The following PMS2 variants were observed in gnomAD, a reference collection of about 807,000 sequenced individuals.
The protein encoded by PMS2 is PMS1 homolog 2, mismatch repair system component.
In PMS2, 69 loss-of-function variants were observed where a neutral mutation model predicts 90.0. The ratio of observed to expected loss-of-function variants is 0.77; its 90% confidence interval spans 0.63 to 0.94. The LOEUF (loss-of-function observed/expected upper bound fraction) is 0.94, where lower values mean the gene tolerates loss of function less well. PMS2 is among the 40% of genes least tolerant of loss of function. PMS2 has a pLI of 0.00. For synonymous variants in PMS2, 332 were observed against 375.1 expected (o/e 0.89, Z 1.33); for missense variants, 966 against 1,040.2 (o/e 0.93, Z 0.98).
In PMS2 at chr7:5,972,824, GTT is replaced by G. The variant is rs374762935; in HGVS notation, c.*573_*574del. Among the ~76,000 whole-genome samples, 23 of 68,674 alleles carry G rather than the reference GTT, an allele frequency of 3.3e-4. 2 individuals are homozygous for G. In the South Asian group the frequency reaches 3.5e-3, roughly 10 times the overall value. 45.1% of individuals were successfully genotyped at this position (68,674 alleles called of 152,430 possible). On this transcript the variant is annotated 3_prime_UTR_variant, in exon 15 of 15. Coordinates refer to ENST00000265849, the MANE Select transcript of PMS2 (RefSeq NM_000535.7). ...CCTGAGTAACTTCCAAAGTGGTTTG[GTT>G]TTTTTTTTTTTGTTTTGTTTTGTTT... is the stretch of plus-strand genomic sequence containing the variant.
At chr7:5,982,146 G>A (rs2128698352) in intron 12 of PMS2, among the ~76,000 whole-genome samples, 1 of 151,622 alleles carries the variant, frequency 6.6e-6, no homozygotes, top group Admixed American at 6.6e-5. Context: ...CTCCTGAGTA[G>A]CTGGAATTAC....
chr7:6,006,844 C>G (rs1228892540), intron 1 of PMS2, among the ~76,000 whole-genome samples: 1 of 152,108 alleles, frequency 6.6e-6, no homozygotes, highest in African/African-American at 2.4e-5. Context: ...AAAGCTCTTG[C>G]TGTACTAGCT....
At chr7:5,996,411 C>T (rs1784391498) in intron 7 of PMS2, among the ~76,000 whole-genome samples, 1 of 151,256 alleles carries the variant, frequency 6.6e-6, no homozygotes, top group African/African-American at 2.4e-5. Context: ...AAAAATCAGC[C>T]GGGCATGGTG....
At chr7:5,986,684 T>C (rs2128719231) in intron 11 of PMS2, 75 bp downstream of exon 11, 1 of 1,200,814 alleles carries the variant, frequency 8.3e-7, no homozygotes, top group Non-Finnish European at 1.2e-6. Flanking sequence ...AGAGCAAGAC[T>C]CTGTCTCAAA....
At chr7:6,006,089 A>AT (rs555703900) in intron 1 of PMS2, 58 bp from the exon 2 acceptor site, 1 of 1,587,020 alleles carries the variant, frequency 6.3e-7, no homozygotes, top group South Asian at 1.1e-5. Flanking sequence ...TTTCATCCTG[A>AT]TTTTAACTGT....
At chr7:5,976,096 A>G (rs1301968272) in intron 14 of PMS2, among the ~76,000 whole-genome samples, 1 of 143,438 alleles carries the variant, frequency 7.0e-6, no homozygotes, top group Non-Finnish European at 1.5e-5. Flanking sequence ...AAAATTAGCC[A>G]GGTGTGGTGG....
intron 5 of PMS2, among the ~76,000 whole-genome samples, chr7:5,999,768 C>A (rs1784893824): frequency 6.6e-6 from 1 of 151,964 alleles, no homozygotes; most frequent in Non-Finnish European, 1.5e-5. Context: ...TGCACTCCAG[C>A]CTCGGTGACA....
intron 8 of PMS2, among the ~76,000 whole-genome samples, chr7:5,993,544 G>A (rs1303588686): frequency 4.0e-5 from 6 of 151,418 alleles, no homozygotes; most frequent in Non-Finnish European, 7.4e-5. Flanking sequence ...AGAAAGAAGA[G>A]AAAATATAGA....
Position 6,004,306 on chromosome 7 carries a change from T to C in PMS2, c.164-248A>G, listed in dbSNP as rs1394909872. 4 of 362,170 alleles carry C rather than the reference T, an allele frequency of 1.1e-5. No individual in the cohort carries two copies. The East Asian group carries it at 1.6e-4, about 15-fold the overall frequency. The allele number at this position is 362,170 out of a possible 1,614,324, so 22.4% of individuals were successfully genotyped here. On this transcript the variant is annotated intron_variant, in intron 2 of 14. Transcript: ENST00000265849. Reference sequence around the variant, plus strand: ...TCCCTAGGCTAGTGAAGTGAAGCAGTTGGAGTGGAGAAGGAACAAAAAAAA... The same window carrying C: ...TCCCTAGGCTAGTGAAGTGAAGCAGCTGGAGTGGAGAAGGAACAAAAAAAA...
chr7:5,992,143 C>T (rs1379124630), intron 8 of PMS2, 86 bp from the exon 9 acceptor site: 1 of 751,494 alleles, frequency 1.3e-6, no homozygotes, highest in Non-Finnish European at 2.4e-6. Flanking sequence ...TCTAACCAAC[C>T]AGCATGTTCT....
At chr7:5,998,457 C>G (rs930161015) in intron 6 of PMS2, among the ~76,000 whole-genome samples, 5 of 150,472 alleles carry the variant, frequency 3.3e-5, no homozygotes, top group Admixed American at 1.3e-4. Context: ...CTTTGGGAGG[C>G]CGAGGCAGGC....
chr7:5,979,215 A>AG (rs1348177809), intron 12 of PMS2, among the ~76,000 whole-genome samples: 1 of 143,410 alleles, frequency 7.0e-6, no homozygotes, highest in Non-Finnish European at 1.5e-5. Context: ...AAAAAAAAAA[A>AG]AAAAAAAACA....
At chr7:5,996,587 A>AT (rs1441337505) in intron 7 of PMS2, among the ~76,000 whole-genome samples, 248 of 94,430 alleles carry the variant, frequency 2.6e-3, no homozygotes, top group African/African-American at 6.7e-3. Flanking sequence ...TAAAAAAAAA[A>AT]AAAATATATA....
rs748643694 is a variant in PMS2, at chr7:5,987,332, C to T, written c.1433G>A (p.Ser478Asn). 1.9e-6 allele frequency: 3 copies of T among 1,614,160 alleles called. No individual in the cohort carries two copies. The South Asian group carries it at 3.3e-5, about 18-fold the overall frequency. Residue 478 changes from serine to asparagine, a missense_variant, in exon 11 of 15, where the codon AGT (serine) becomes AAT (asparagine). Coordinates refer to ENST00000265849, the MANE Select transcript of PMS2 (RefSeq NM_000535.7). ...LRPQKEAVSS[S>N]HGPSDPTDRA... ...GTCCGTAGGGTCACTGGGTCCGTGACTGGAACTCACTGCCTCTTTCTGAGG... is the reference window on the plus strand; with the variant it reads ...GTCCGTAGGGTCACTGGGTCCGTGATTGGAACTCACTGCCTCTTTCTGAGG...
chr7:5,996,811 G>A (rs1302240687), intron 7 of PMS2, among the ~76,000 whole-genome samples: 1 of 151,942 alleles, frequency 6.6e-6, no homozygotes, highest in East Asian at 1.9e-4. Flanking sequence ...AAAACCACCT[G>A]AAATATACCA....
chr7:5,979,012 C>G (rs1021290059), intron 12 of PMS2, among the ~76,000 whole-genome samples: 3 of 148,332 alleles, frequency 2.0e-5, no homozygotes, highest in African/African-American at 7.7e-5. Flanking sequence ...CTGGTCAACA[C>G]AGCGAAACAC....
At chr7:6,006,258 C>A (rs1470916759) in intron 1 of PMS2, among the ~76,000 whole-genome samples, 1 of 152,122 alleles carries the variant, frequency 6.6e-6, no homozygotes, top group Non-Finnish European at 1.5e-5. Context: ...TTCAACAGAT[C>A]CTTACTATCT....
chr7:5,999,710 C>T (rs528966677), intron 5 of PMS2, among the ~76,000 whole-genome samples: 38 of 152,122 alleles, frequency 2.5e-4, no homozygotes, highest in African/African-American at 7.7e-4. Flanking sequence ...GTGGGAGGAT[C>T]GCTTGAGCCT....
chr7:6,003,368 G>A (rs1785328161), intron 4 of PMS2: 1 of 203,896 alleles, frequency 4.9e-6, no homozygotes, highest in African/African-American at 2.4e-5. Context: ...ATTAAATAGT[G>A]CTTTGGTGAA....
Sources: gnomAD v4.1 joint callset for allele counts (sites outside exome capture counted in the v4.1 genomes callset) on GRCh38, gnomAD v4.1.1 for gene constraint, MANE v1.5 for transcripts, NCBI Gene and HGNC (gene_info 2026-07-23, HGNC 2026-07-21) for gene names.